The following KIAA0825 variants were observed in gnomAD, a reference collection of about 807,000 sequenced individuals.
KIAA0825 encodes the protein uncharacterized protein KIAA0825.
In KIAA0825, 119 loss-of-function variants were observed where a neutral mutation model predicts 147.6. The observed-to-expected ratio is 0.81, with a 90% CI of 0.69 to 0.94. KIAA0825 has a LOEUF of 0.94. Ranked by LOEUF, KIAA0825 falls within the 40% of genes least tolerant of loss-of-function variation. KIAA0825 has a pLI of 0.00. For missense variants in KIAA0825, 1,381 were observed against 1,472.7 expected (o/e 0.94, Z 1.02); for synonymous variants, 470 against 518.1 (o/e 0.91, Z 1.26).
At chr5:94,302,972 C>G (rs1431978918) in intron 20 of KIAA0825, among the ~76,000 whole-genome samples, 1 of 151,892 alleles carries the variant, frequency 6.6e-6, no homozygotes, top group African/African-American at 2.4e-5. Flanking sequence ...TAATATTATT[C>G]TTACTTTTAA....
chr5:94,352,781 T>C (rs953317701), intron 20 of KIAA0825, among the ~76,000 whole-genome samples: 1 of 152,202 alleles, frequency 6.6e-6, no homozygotes, highest in African/African-American at 2.4e-5. Flanking sequence ...TGCAGTGACC[T>C]GGATGAGATT....
intron 15 of KIAA0825, among the ~76,000 whole-genome samples, chr5:94,408,104 ATGGTGGGT>A (rs2150657970): frequency 6.6e-6 from 1 of 152,324 alleles, no homozygotes; most frequent in Admixed American, 6.5e-5. Context: ...CTTTATTAAA[ATGGTGGGT>A]TGGATTTGGT....
At chr5:94,457,544 C>T (rs1373811550) in intron 12 of KIAA0825, among the ~76,000 whole-genome samples, 2 of 152,202 alleles carry the variant, frequency 1.3e-5, no homozygotes, top group East Asian at 1.9e-4. Context: ...CCCTTCCTTG[C>T]GTTAGCATCG....
intron 3 of KIAA0825, among the ~76,000 whole-genome samples, chr5:94,535,493 C>CAAAAA (rs11362220): frequency 6.2e-5 from 2 of 32,146 alleles, no homozygotes; most frequent in African/African-American, 9.3e-5. Flanking sequence ...CTGGGTGACT[C>CAAAAA]AAAAAAAAAA....
chr5:94,329,541 T>C (rs1781054134), intron 20 of KIAA0825, among the ~76,000 whole-genome samples: 1 of 152,164 alleles, frequency 6.6e-6, no homozygotes, highest in Admixed American at 6.5e-5. Flanking sequence ...TTTTGAAATG[T>C]AGAGTTCTGG....
intron 2 of KIAA0825, among the ~76,000 whole-genome samples, chr5:94,579,366 G>C (rs72771701): frequency 0.071 from 10,830 of 152,264 alleles, 518 homozygotes; most frequent in East Asian, 0.13. Context: ...ATAGTACATA[G>C]AGCAGTCTCT....
chr5:94,389,416 A>C (rs1223840261), intron 18 of KIAA0825, among the ~76,000 whole-genome samples: 1 of 152,154 alleles, frequency 6.6e-6, no homozygotes, highest in African/African-American at 2.4e-5. Context: ...TGCCAACCCC[A>C]TGGGAGTTGA....
chr5:94,322,134 T>C (rs1333313891), intron 20 of KIAA0825, among the ~76,000 whole-genome samples: 1 of 151,944 alleles, frequency 6.6e-6, no homozygotes, highest in Non-Finnish European at 1.5e-5. Context: ...TTGAGGTCAT[T>C]CTCATTGTAA....
chr5:94,256,073 T>C (rs1158743254), intron 20 of KIAA0825, among the ~76,000 whole-genome samples: 1 of 152,016 alleles, frequency 6.6e-6, no homozygotes, highest in Non-Finnish European at 1.5e-5. Flanking sequence ...TTCAGGTAAT[T>C]GGCTTGAATT....
At chr5:94,367,583 A>AT (rs1235837608) in intron 20 of KIAA0825, among the ~76,000 whole-genome samples, 5 of 152,188 alleles carry the variant, frequency 3.3e-5, no homozygotes, top group African/African-American at 7.2e-5. Context: ...ACCCTGTAGG[A>AT]TTTTTTGCCA....
intron 20 of KIAA0825, among the ~76,000 whole-genome samples, chr5:94,365,259 C>T (rs1297246704): frequency 2.6e-5 from 4 of 152,156 alleles, no homozygotes; most frequent in South Asian, 2.1e-4. Flanking sequence ...ATTAAACCTC[C>T]GCTCCTAAAC....
At chr5:94,415,513 A>G (rs1339546463) in intron 15 of KIAA0825, 1 of 152,114 alleles carries the variant, frequency 6.6e-6, no homozygotes, top group Non-Finnish European at 1.5e-5. Flanking sequence ...AAAAAAAAAG[A>G]TATTTTCAAA....
intron 20 of KIAA0825, among the ~76,000 whole-genome samples, chr5:94,249,557 T>C (rs1041899694): frequency 6.6e-6 from 1 of 152,092 alleles, no homozygotes; most frequent in African/African-American, 2.4e-5. Flanking sequence ...TGCATGCCCA[T>C]GAAGCCGGTT....
At chr5:94,219,409 G>T (rs1166921669) in intron 20 of KIAA0825, among the ~76,000 whole-genome samples, 1 of 152,154 alleles carries the variant, frequency 6.6e-6, no homozygotes, top group Non-Finnish European at 1.5e-5. Flanking sequence ...AAGAGCCCAT[G>T]GACCAGTACC....
At chr5:94,370,373 G>C (rs113961806) in intron 20 of KIAA0825, among the ~76,000 whole-genome samples, 147 of 152,214 alleles carry the variant, frequency 9.7e-4, no homozygotes, top group African/African-American at 3.4e-3. Context: ...TTATTCATTT[G>C]TTGTAACTCA....
chr5:94,501,301 A>G (rs993607716), intron 5 of KIAA0825, among the ~76,000 whole-genome samples: 36 of 152,254 alleles, frequency 2.4e-4, no homozygotes, highest in African/African-American at 8.2e-4. Context: ...GTTTTAAATA[A>G]AGATAATAAC....
intron 1 of KIAA0825, among the ~76,000 whole-genome samples, chr5:94,614,706 A>G (rs1789929007): frequency 6.8e-6 from 1 of 146,582 alleles, no homozygotes; most frequent in African/African-American, 2.6e-5. Flanking sequence ...GCCCTCCTGG[A>G]AAAAAAAAAA....
chr5:94,487,413 T>C (rs557962973), intron 5 of KIAA0825, among the ~76,000 whole-genome samples: 4 of 152,346 alleles, frequency 2.6e-5, no homozygotes, highest in South Asian at 4.1e-4. Context: ...TGTGATAAAT[T>C]CATTTTGTGA....
At chr5:94,601,613 G>A (rs1786469323) in intron 1 of KIAA0825, among the ~76,000 whole-genome samples, 1 of 152,174 alleles carries the variant, frequency 6.6e-6, no homozygotes, top group Non-Finnish European at 1.5e-5. Flanking sequence ...AGCTAAAGGA[G>A]CATGTCTTAA....
Sources: allele counts gnomAD v4.1 joint callset (sites outside exome capture counted in the v4.1 genomes callset), GRCh38; gene constraint gnomAD v4.1.1; transcripts MANE v1.5; gene names NCBI Gene and HGNC (gene_info 2026-07-23, HGNC 2026-07-21).